UNC5D: variants seen among roughly 807,000 people sequenced by gnomAD.
The protein encoded by UNC5D is netrin receptor UNC5D.
In UNC5D, 39 loss-of-function variants were observed where a neutral mutation model predicts 105.4. That is an observed-to-expected ratio of 0.37 (90% CI 0.29 to 0.48). The LOEUF (loss-of-function observed/expected upper bound fraction) is 0.48, where lower values mean the gene tolerates loss of function less well. Ranked by LOEUF, UNC5D falls within the 20% of genes least tolerant of loss-of-function variation. UNC5D has a pLI of 0.98. For missense variants in UNC5D, 991 were observed against 1,202.4 expected (o/e 0.82, Z 2.60); for synonymous variants, 452 against 450.4 (o/e 1.00, Z -0.04).
At chr8:35,570,437 A>G (rs922171241) in intron 3 of UNC5D, among the ~76,000 whole-genome samples, 1 of 152,252 alleles carries the variant, frequency 6.6e-6, no homozygotes, top group African/African-American at 2.4e-5. Flanking sequence ...TGCCTGGCAC[A>G]TATGAGCATT....
chr8:35,481,993 G>A (rs573243574), intron 1 of UNC5D, among the ~76,000 whole-genome samples: 3 of 152,264 alleles, frequency 2.0e-5, no homozygotes, highest in South Asian at 2.1e-4. Context: ...CCCTGAAATT[G>A]CATGTGAAGT....
intron 16 of UNC5D, among the ~76,000 whole-genome samples, chr8:35,779,205 C>T (rs1022936642): frequency 2.6e-5 from 4 of 152,116 alleles, no homozygotes; most frequent in Non-Finnish European, 4.4e-5. Flanking sequence ...TGCGAAATAA[C>T]GAATTGGTCA....
At chr8:35,788,719 C>G (rs1802870480) in intron 16 of UNC5D, among the ~76,000 whole-genome samples, 2 of 151,872 alleles carry the variant, frequency 1.3e-5, no homozygotes, top group South Asian at 4.2e-4. Context: ...CACACACACA[C>G]ACGAAATAGA....
chr8:35,435,600 C>G (rs1806954436), intron 1 of UNC5D, among the ~76,000 whole-genome samples: 1 of 151,818 alleles, frequency 6.6e-6, no homozygotes, highest in African/African-American at 2.4e-5. Context: ...AGAATTCATT[C>G]AAAAAAATGT....
At chr8:35,463,281 G>C (rs1809033637) in intron 1 of UNC5D, among the ~76,000 whole-genome samples, 1 of 152,092 alleles carries the variant, frequency 6.6e-6, no homozygotes, top group Non-Finnish European at 1.5e-5. Flanking sequence ...AGTTACGAGA[G>C]AGATAAGACA....
intron 4 of UNC5D, among the ~76,000 whole-genome samples, chr8:35,607,174 A>G (rs1455791116): frequency 6.6e-6 from 1 of 152,188 alleles, no homozygotes; most frequent in Admixed American, 6.5e-5. Context: ...TCAGTGAAAA[A>G]AATATTTGGG....
At chr8:35,668,245 T>G (rs560774817) in intron 4 of UNC5D, among the ~76,000 whole-genome samples, 1 of 152,242 alleles carries the variant, frequency 6.6e-6, no homozygotes, top group Non-Finnish European at 1.5e-5. Flanking sequence ...AGATCATCTT[T>G]CTGTTGGAAT....
At chr8:35,356,655 A>G (rs1196964975) in intron 1 of UNC5D, among the ~76,000 whole-genome samples, 1 of 151,558 alleles carries the variant, frequency 6.6e-6, no homozygotes, top group Non-Finnish European at 1.5e-5. Context: ...TCCTTATTCA[A>G]CTGGGAACTT....
chr8:35,594,081 A>T (rs1163169647), intron 3 of UNC5D, among the ~76,000 whole-genome samples: 1 of 152,144 alleles, frequency 6.6e-6, no homozygotes, highest in East Asian at 1.9e-4. Context: ...TCCCGGATAG[A>T]GGGAAGCTGG....
chr8:35,568,211 A>C lies in UNC5D; in HGVS notation c.436A>C (p.Lys146Gln). ...CVAWSHLGTS[K>Q]SRKASVRIAY... ...GGCGTGGAGCCACCTGGGTACCTCC[A>C]AGAGCAGGAAGGCCTCTGTGCGCAT... The change falls in exon 3 of 17, where the codon AAG becomes CAG. Residue 146 changes from lysine (K) to glutamine (Q), a missense_variant. This residue lies in a region of UNC5D where 944 missense variants were observed against 1,131.6 expected (regional missense o/e 0.83). Transcript: ENST00000404895. 1 of 1,614,192 alleles carries C rather than the reference A, an allele frequency of 6.2e-7. No individual in the cohort carries two copies. The highest frequency in any genetic ancestry group is 8.5e-7 in the Non-Finnish European group (1 of 1,180,024).
chr8:35,631,416 A>T (rs927609786), intron 4 of UNC5D, among the ~76,000 whole-genome samples: 1 of 152,218 alleles, frequency 6.6e-6, no homozygotes, highest in Non-Finnish European at 1.5e-5. Flanking sequence ...ACAGCTTGAC[A>T]TAGTTCTTCA....
intron 1 of UNC5D, chr8:35,525,606 G>A (rs920171164): frequency 6.2e-7 from 1 of 1,613,278 alleles, no homozygotes; most frequent in Non-Finnish European, 8.5e-7. Flanking sequence ...CAAGATGTCT[G>A]CATGGTTGGG....
At chr8:35,332,851 A>G (rs1450428582) in intron 1 of UNC5D, among the ~76,000 whole-genome samples, 1 of 152,158 alleles carries the variant, frequency 6.6e-6, no homozygotes, top group Non-Finnish European at 1.5e-5. Context: ...AAGAAGATAA[A>G]GTCTTGATCT....
chr8:35,716,103 C>T (rs147397197), intron 8 of UNC5D, among the ~76,000 whole-genome samples: 8 of 152,182 alleles, frequency 5.3e-5, no homozygotes, highest in East Asian at 1.9e-4. Flanking sequence ...ACCCAGGTGC[C>T]GGTATGGAGA....
chr8:35,688,146 AC>A (rs1186832312), intron 7 of UNC5D, among the ~76,000 whole-genome samples: 2 of 144,684 alleles, frequency 1.4e-5, no homozygotes, highest in African/African-American at 5.7e-5. Context: ...ACAAAAAAAA[AC>A]AAAACAACAA....
chr8:35,777,218 C>T (rs1034552319), intron 16 of UNC5D, among the ~76,000 whole-genome samples: 2 of 152,200 alleles, frequency 1.3e-5, no homozygotes, highest in African/African-American at 2.4e-5. Context: ...CGCATCACTG[C>T]GCTCCAGCCT....
intron 1 of UNC5D, among the ~76,000 whole-genome samples, chr8:35,239,071 C>A (rs1802643152): frequency 6.6e-6 from 1 of 152,134 alleles, no homozygotes; most frequent in African/African-American, 2.4e-5. Context: ...TTTTGAGCAG[C>A]CCAGTGGCAC....
intron 1 of UNC5D, among the ~76,000 whole-genome samples, chr8:35,246,199 G>C (rs1323167632): frequency 6.6e-6 from 1 of 151,998 alleles, no homozygotes; most frequent in African/African-American, 2.4e-5. Context: ...CCGTGATGCC[G>C]CCCTTTGTTT....
rs546200597 is a variant in UNC5D at position 35,596,628 on chromosome 8, A to T, written c.570+971A>T. On this transcript the variant is annotated intron_variant, in intron 4 of 16. Coordinates refer to ENST00000404895, the MANE Select transcript of UNC5D (RefSeq NM_080872.4). Reference sequence around the variant, plus strand: ...TTTAGGGAGACATGAGACATCAATCAACATATGTAAGACAAACATTGGTTC... The same window carrying T: ...TTTAGGGAGACATGAGACATCAATCTACATATGTAAGACAAACATTGGTTC... 2.5e-3 allele frequency among the ~76,000 whole-genome samples: 388 copies of T among 152,288 alleles called. 1 individual carries two copies. The highest frequency in any genetic ancestry group is 9.0e-3 in the African/African-American group (374 of 41,566).
Sources: gnomAD v4.1 joint callset for allele counts (sites outside exome capture counted in the v4.1 genomes callset) on GRCh38, gnomAD v4.1.1 for gene constraint, gnomAD v4.1.1 regional missense constraint, MANE v1.5 for transcripts, NCBI Gene and HGNC (gene_info 2026-07-23, HGNC 2026-07-21) for gene names.